SZT2: variants seen among roughly 807,000 people sequenced by gnomAD.
SZT2 encodes SZT2 subunit of KICSTOR complex.
A neutral mutation model predicts 404.2 loss-of-function variants in SZT2; 216 were observed. The ratio of observed to expected loss-of-function variants is 0.53; its 90% CI spans 0.48 to 0.60. SZT2 has a LOEUF of 0.60. Among genes scored for constraint, SZT2 ranks in the 20% least tolerant of loss-of-function variants. The probability of loss-of-function intolerance (pLI) is 0.00; values close to 1 mark genes in which losing one functional copy is unlikely to be tolerated. For missense variants in SZT2, 3,857 were observed against 4,459.2 expected, an observed-to-expected ratio of 0.86 and a Z score of 3.85; for synonymous variants, 1,693 against 1,749.9, an observed-to-expected ratio of 0.97 and a Z score of 0.81.
At position 43,443,098 on chromosome 1, in the gene SZT2, G is replaced by A. The variant is rs776387415; in HGVS notation, c.8419+12G>A. The A allele has an allele frequency of 4.3e-6, 7 of 1,611,596 alleles. No individual in the cohort carries two copies. The Admixed American group carries it at 8.3e-5, about 19-fold the overall frequency. On this transcript the variant is annotated intron_variant, in intron 59 of 71. Transcript: ENST00000634258. ...GGCAGAGCGCAGAGGTGAGGGTACT[G>A]GGCCAGGCAGCAGGGACAGGAAATC...
At chr1:43,400,022 T>C (rs757988082) in intron 1 of SZT2, among the ~76,000 whole-genome samples, 20 of 152,154 alleles carry the variant, frequency 1.3e-4, no homozygotes, top group Non-Finnish European at 1.3e-4. Context: ...CATTGCAGCC[T>C]CAACCTCCCA....
At chr1:43,415,851 G>T in intron 5 of SZT2, 109 bp from the exon 6 acceptor site, 1 of 1,308,052 alleles carries the variant, frequency 7.6e-7, no homozygotes, top group Non-Finnish European at 1.0e-6. Context: ...GTTCTCACAG[G>T]ATTCGGCCTG....
rs1656429796 is a variant in SZT2 at position 43,451,586 on chromosome 1, C to T, written c.*1106C>T. ...ACAAATGTGGGGTCCAGGCTCCTGC[C>T]AGGGCCTGAAGGACAGATGTGGGGA... On this transcript the variant is annotated 3_prime_UTR_variant, in exon 72 of 72. Transcript: ENST00000634258. The T allele has an allele frequency of 6.2e-7, 1 of 1,613,532 alleles. No individual in the cohort carries two copies. Among genetic ancestry groups the T allele is most frequent in the Non-Finnish European group, 8.5e-7 (1 of 1,179,594 alleles).
Position 43,419,594 on chromosome 1 carries a change from T to C in SZT2, c.880-140T>C, listed in dbSNP as rs377081222. Reference sequence around the variant, plus strand: ...AAGGAAAGACACAGACAGTGGTCTGTCCTGGGAAAACACTGGCCTACTTCC... The same window carrying C: ...AAGGAAAGACACAGACAGTGGTCTGCCCTGGGAAAACACTGGCCTACTTCC... On this transcript the variant is annotated intron_variant, in intron 7 of 71. Coordinates refer to ENST00000634258, the MANE Select transcript of SZT2 (RefSeq NM_001365999.1). 3.2e-5 allele frequency: 22 copies of C among 685,058 alleles called. No homozygotes were observed. The African/African-American group carries it at 3.8e-4, about 12-fold the overall frequency. The allele number at this position is 685,058 out of a possible 1,614,324, so 42.4% of individuals were successfully genotyped here. A position where few individuals can be genotyped will look rare whatever the true frequency, so the allele number is the denominator to read the frequency against.
intron 12 of SZT2, 90 bp from the exon 13 acceptor site, chr1:43,422,390 C>CAAGG: frequency 4.0e-6 from 6 of 1,498,116 alleles, no homozygotes; most frequent in Non-Finnish European, 4.4e-6. Flanking sequence ...TAACCTCAGG[C>CAAGG]AAGGCCTAGA....
rs779139030 is a variant in SZT2 at position 43,425,453 on chromosome 1, T to G, written c.2646-21T>G. On this transcript the variant is annotated intron_variant, in intron 18 of 71. Coordinates refer to ENST00000634258, the MANE Select transcript of SZT2 (RefSeq NM_001365999.1). The surrounding 1 kb of genome is among the most constrained non-coding windows in gnomAD (Gnocchi z 4.3). ...CCTGCCATGAGGCTGTGCATTGGAC[T>G]CAGAGCCCTTCCTCCTTTAGCTTCT... 5.0e-6 allele frequency: 8 copies of G among 1,613,900 alleles called. No individual in the cohort carries two copies. Among genetic ancestry groups the G allele is most frequent in the Non-Finnish European group, 6.8e-6 (8 of 1,179,828 alleles).
At chr1:43,411,293 G>A (rs971005649) in intron 4 of SZT2, among the ~76,000 whole-genome samples, 2 of 152,216 alleles carry the variant, frequency 1.3e-5, no homozygotes, top group Non-Finnish European at 2.9e-5. Flanking sequence ...CATCTTCTTG[G>A]GCACCTGTGG....
chr1:43,408,097 G>T (rs1180733851), intron 4 of SZT2, among the ~76,000 whole-genome samples: 1 of 152,006 alleles, frequency 6.6e-6, no homozygotes, highest in Non-Finnish European at 1.5e-5. Context: ...CTCCCAAAGT[G>T]CTGGGATTAC....
intron 1 of SZT2, among the ~76,000 whole-genome samples, chr1:43,400,944 CAG>C (rs1162430768): frequency 6.6e-6 from 1 of 150,992 alleles, no homozygotes; most frequent in Non-Finnish European, 1.5e-5. Context: ...TTTTTTTGGA[CAG>C]GGTCTCGCTC....
Position 43,439,122 on chromosome 1 carries a change from T to A in SZT2, c.6792+29T>A, listed in dbSNP as rs372559642. ...AGATGGCACTCATCTCTCTCCACACTCATGTGCACCCCTGCCCCCTGCCCC... is the reference window on the plus strand; with the variant it reads ...AGATGGCACTCATCTCTCTCCACACACATGTGCACCCCTGCCCCCTGCCCC... On this transcript the variant is annotated intron_variant, in intron 48 of 71. Coordinates refer to ENST00000634258, the MANE Select transcript of SZT2 (RefSeq NM_001365999.1). The surrounding 1 kb of genome is among the most constrained non-coding windows in gnomAD (Gnocchi z 4.2). The A allele has an allele frequency of 8.2e-4, 1,317 of 1,613,474 alleles. 23 individuals are homozygous for A. In the South Asian group the frequency reaches 0.014, roughly 17 times the overall value.
rs763529292 is a variant in SZT2 at position 43,445,885 on chromosome 1, T to G, written c.8826-9T>G. 1 of 1,614,104 alleles carries G rather than the reference T, an allele frequency of 6.2e-7. No individual in the cohort carries two copies. Among genetic ancestry groups the G allele is most frequent in the Non-Finnish European group, 8.5e-7 (1 of 1,179,952 alleles). On this transcript the variant is annotated splice_polypyrimidine_tract_variant and intron_variant, in intron 62 of 71. Transcript: ENST00000634258. ...GCCTCATCCTCTTATCCCTCCTCCT[T>G]TTCTATAGCACCAGCCGGCCACGGG...
At chr1:43,431,927 G>C in intron 36 of SZT2, 26 bp downstream of exon 36, 1 of 1,612,782 alleles carries the variant, frequency 6.2e-7, no homozygotes, top group Non-Finnish European at 8.5e-7. Flanking sequence ...AACACTGCAG[G>C]GTCACCTTGG....
chr1:43,431,863 G>C lies in SZT2; in HGVS notation c.5236G>C (p.Val1746Leu). 1 of 1,614,196 alleles carries C rather than the reference G, an allele frequency of 6.2e-7. No homozygotes were observed. Among genetic ancestry groups the C allele is most frequent in the South Asian group, 1.1e-5 (1 of 91,088 alleles). The stretch of plus-strand genomic sequence containing the variant: ...TCGCCAAACTCTGCCACTGAGTTTT[G>C]TATTTGGGCCAGAGCGTTCCCTCAC... Reference protein sequence around the residue: ...CLRQTLPLSFVFGPERSLTQF... With the variant: ...CLRQTLPLSFLFGPERSLTQF... The change falls in exon 36 of 72, where the codon GTA becomes CTA. Residue 1746 changes from valine to leucine, a missense_variant. By Grantham distance (32) the Val-to-Leu change is conservative. Coordinates refer to ENST00000634258, the MANE Select transcript of SZT2 (RefSeq NM_001365999.1).
At position 43,437,410 on chromosome 1, in the gene SZT2, C is replaced by T; in HGVS notation, c.6192C>T (p.Ile2064=). 2.5e-6 allele frequency: 4 copies of T among 1,614,024 alleles called. No homozygotes were observed. The South Asian group carries it at 3.3e-5, about 13-fold the overall frequency. Residue 2064 remains isoleucine, a synonymous_variant, in exon 44 of 72, where the codon ATC becomes ATT. Transcript: ENST00000634258. This position sits in a 1 kb window ranked among gnomAD's most constrained non-coding sequence, Gnocchi z 5.3. ...MGPSMGVSRA[I]QALRSVLNAF... ...GAGCCCATGTTATTCCCCCAGCCATCCAGGCCCTGCGCTCTGTGCTCAATG... is the reference window on the plus strand; with the variant it reads ...GAGCCCATGTTATTCCCCCAGCCATTCAGGCCCTGCGCTCTGTGCTCAATG...
At chr1:43,434,711 A>C (rs1654282871) in intron 41 of SZT2, among the ~76,000 whole-genome samples, 1 of 152,144 alleles carries the variant, frequency 6.6e-6, no homozygotes, top group African/African-American at 2.4e-5. Flanking sequence ...ATACCATCCC[A>C]GTAACCATGA....
In SZT2 at chr1:43,452,677, C is replaced by T. The variant is rs1246425988; in HGVS notation, c.*2197C>T. On this transcript the variant is annotated 3_prime_UTR_variant, in exon 72 of 72. Coordinates refer to ENST00000634258, the MANE Select transcript of SZT2 (RefSeq NM_001365999.1). ...TTCCATGCTGCTGTCTCTACTTCCT[C>T]TCCTCGCATCTACTTAGCCTTTTCC... is the stretch of plus-strand genomic sequence containing the variant. 1 of 604,204 alleles carries T rather than the reference C, an allele frequency of 1.7e-6. No individual in the cohort carries two copies. The highest frequency in any genetic ancestry group is 2.9e-6 in the Non-Finnish European group (1 of 339,518). The allele number at this position is 604,204 out of a possible 1,614,324, so 37.4% of individuals were successfully genotyped here.
At position 43,441,450 on chromosome 1, in the gene SZT2, T is replaced by C. The variant is rs1557590834; in HGVS notation, c.7512-54T>C. 6.2e-7 allele frequency: 1 copy of C among 1,610,230 alleles called. No individual in the cohort carries two copies. The highest frequency in any genetic ancestry group is 8.5e-7 in the Non-Finnish European group (1 of 1,177,868). ...AGTCACAGATGGGCCTTGGTCTGTATAAACATACAAGTGTCATGTATGGAC... is the reference window on the plus strand; with the variant it reads ...AGTCACAGATGGGCCTTGGTCTGTACAAACATACAAGTGTCATGTATGGAC... On this transcript the variant is annotated intron_variant, in intron 53 of 71. Transcript: ENST00000634258. This position sits in a 1 kb window ranked among gnomAD's most constrained non-coding sequence, Gnocchi z 4.8.
chr1:43,431,805 T>C lies in SZT2; in HGVS notation c.5178T>C (p.His1726=). ...CTGCCCTGCACCGCGCAGCTGCCCA[T>C]ATCCATAGTTCTCCTGGACGCTCCA... ...QSPALHRAAA[H]IHSSPGRSTC... Residue 1726 remains histidine, a synonymous_variant, in exon 36 of 72, where the codon CAT becomes CAC. Transcript: ENST00000634258. The C allele has an allele frequency of 6.2e-7, 1 of 1,614,180 alleles. No homozygotes were observed. Among genetic ancestry groups the C allele is most frequent in the Non-Finnish European group, 8.5e-7 (1 of 1,180,020 alleles).
chr1:43,391,507 G>A (rs1196027167), intron 1 of SZT2, among the ~76,000 whole-genome samples: 1 of 152,164 alleles, frequency 6.6e-6, no homozygotes, highest in Non-Finnish European at 1.5e-5. Flanking sequence ...GAATATGGTG[G>A]TAGGAAACTA....
Sources: gnomAD v4.1 joint callset for allele counts (sites outside exome capture counted in the v4.1 genomes callset) on GRCh38, gnomAD v4.1.1 for gene constraint, Gnocchi (gnomAD v3.1) non-coding constraint, MANE v1.5 for transcripts, NCBI Gene and HGNC (gene_info 2026-07-23, HGNC 2026-07-21) for gene names.